SLCO1B3: variants seen among roughly 807,000 people sequenced by gnomAD.
SLCO1B3 encodes solute carrier organic anion transporter family member 1B3, also known as liver-specific organic anion transporter 2.
A neutral mutation model predicts 71.8 loss-of-function variants in SLCO1B3; 72 were observed. The observed-to-expected ratio is 1.00, with a 90% confidence interval of 0.83 to 1.22. SLCO1B3 has a LOEUF of 1.22. SLCO1B3 is among the 50% of genes most tolerant of loss of function. The pLI is 0.00. For synonymous variants in SLCO1B3, 298 were observed against 278.4 expected (o/e 1.07, Z -0.70); for missense variants, 911 against 819.7 (o/e 1.11, Z -1.36).
In SLCO1B3 at chr12:20,913,409, G is replaced by A. The variant is rs1299281026; in HGVS notation, c.1866-2595G>A. Among the ~76,000 whole-genome samples the A allele has an allele frequency of 2.6e-5, 4 of 152,204 alleles. No homozygotes were observed. In the East Asian group the frequency reaches 5.8e-4, roughly 22 times the overall value. ...AGACAATGTTAAGTGAAGACTTACT[G>A]CATTTCTCTTTGCAGCTCTATCATT... On this transcript the variant is annotated intron_variant, in intron 15 of 15. Coordinates refer to ENST00000381545, the MANE Select transcript of SLCO1B3 (RefSeq NM_019844.4).
chr12:20,839,174 T>C (rs892651955), intron 3 of SLCO1B3, among the ~76,000 whole-genome samples: 1 of 151,994 alleles, frequency 6.6e-6, no homozygotes. Flanking sequence ...ATAGATATTA[T>C]TATTTTGAAT....
At chr12:20,900,426 C>G (rs111614409) in intron 14 of SLCO1B3, among the ~76,000 whole-genome samples, 4 of 152,212 alleles carry the variant, frequency 2.6e-5, no homozygotes, top group African/African-American at 9.6e-5. Flanking sequence ...TGATAGCTCT[C>G]TACTATGATG....
intron 3 of SLCO1B3, among the ~76,000 whole-genome samples, chr12:20,817,848 C>T (rs12317610): frequency 0.058 from 8,748 of 152,004 alleles, 630 homozygotes; most frequent in African/African-American, 0.17. Context: ...CCTCGGCCTC[C>T]GAAAGTGCTG....
intron 3 of SLCO1B3, among the ~76,000 whole-genome samples, chr12:20,848,049 A>G (rs1220169117): frequency 6.6e-6 from 1 of 152,132 alleles, no homozygotes; most frequent in Non-Finnish European, 1.5e-5. Context: ...AGGATTAATA[A>G]CTAATTTCTT....
chr12:20,877,738 A>T (rs4149139), intron 9 of SLCO1B3, 34 bp from the exon 10 acceptor site: 22,346 of 945,686 alleles, frequency 0.024, 687 homozygotes, highest in East Asian at 0.13. Context: ...TATATATTTT[A>T]TTATTGAAAT....
intron 3 of SLCO1B3, among the ~76,000 whole-genome samples, chr12:20,828,472 T>C (rs1368721923): frequency 6.6e-6 from 1 of 151,890 alleles, no homozygotes; most frequent in African/African-American, 2.4e-5. Context: ...TTAGAAATGA[T>C]TTTAGGTCCC....
chr12:20,907,463 C>G (rs1866272632), intron 15 of SLCO1B3, among the ~76,000 whole-genome samples: 1 of 133,440 alleles, frequency 7.5e-6, no homozygotes, highest in South Asian at 2.7e-4. Context: ...CTTCCCCTCC[C>G]TTCCCCTTCC....
intron 13 of SLCO1B3, among the ~76,000 whole-genome samples, chr12:20,887,536 A>G (rs1865813829): frequency 1.3e-5 from 2 of 151,758 alleles, no homozygotes; most frequent in African/African-American, 2.4e-5. Flanking sequence ...ATGTCTGTTC[A>G]TGTCGTTTAC....
intron 3 of SLCO1B3, 90 bp from the exon 4 acceptor site, chr12:20,854,938 A>G (rs1865102743): frequency 8.2e-7 from 1 of 1,215,274 alleles, no homozygotes; most frequent in Non-Finnish European, 1.2e-6. Flanking sequence ...TTTCGAGTAA[A>G]GAAGAAAAAC....
chr12:20,864,656 T>C (rs1865337666), intron 8 of SLCO1B3, among the ~76,000 whole-genome samples: 3 of 152,292 alleles, frequency 2.0e-5, no homozygotes, highest in Non-Finnish European at 1.5e-5. Flanking sequence ...TGAAGGTCTT[T>C]AGGATAGTAG....
chr12:20,867,250 A>G (rs1263490284), intron 8 of SLCO1B3, among the ~76,000 whole-genome samples: 1 of 152,164 alleles, frequency 6.6e-6, no homozygotes, highest in Non-Finnish European at 1.5e-5. Flanking sequence ...CCCAATAGAG[A>G]GAACATTATA....
intron 8 of SLCO1B3, among the ~76,000 whole-genome samples, chr12:20,870,034 G>A (rs1319746903): frequency 1.3e-5 from 2 of 152,026 alleles, no homozygotes; most frequent in African/African-American, 4.8e-5. Context: ...ATCCTAATGG[G>A]TGTATGGTGA....
chr12:20,892,000 G>T (rs944793230), intron 13 of SLCO1B3, among the ~76,000 whole-genome samples: 1 of 151,560 alleles, frequency 6.6e-6, no homozygotes, highest in South Asian at 2.1e-4. Flanking sequence ...ATTACTTGAA[G>T]GTCTTATTTC....
intron 14 of SLCO1B3, among the ~76,000 whole-genome samples, chr12:20,899,262 C>T (rs73233632): frequency 0.028 from 4,326 of 152,202 alleles, 209 homozygotes; most frequent in African/African-American, 0.096. Flanking sequence ...TCTAGTCTAA[C>T]CTCTGTGAGT....
chr12:20,863,420 AG>A (rs1276148719), intron 8 of SLCO1B3, among the ~76,000 whole-genome samples: 1 of 152,152 alleles, frequency 6.6e-6, no homozygotes, highest in Admixed American at 6.5e-5. Flanking sequence ...TTACTCTCAG[AG>A]CATGCTTTAT....
intron 3 of SLCO1B3, among the ~76,000 whole-genome samples, chr12:20,854,810 A>G (rs1266420025): frequency 1.3e-5 from 2 of 152,120 alleles, no homozygotes; most frequent in African/African-American, 4.8e-5. Context: ...TCCTCTAGCA[A>G]TCGAATGTTG....
chr12:20,910,987 G>A (rs1866362541), intron 15 of SLCO1B3, among the ~76,000 whole-genome samples: 1 of 151,502 alleles, frequency 6.6e-6, no homozygotes, highest in Non-Finnish European at 1.5e-5. Context: ...GTACCATGTT[G>A]AAAATTAATG....
intron 8 of SLCO1B3, among the ~76,000 whole-genome samples, chr12:20,870,519 T>C (rs11045572): frequency 0.72 from 110,012 of 151,938 alleles, 42,437 homozygotes; most frequent in South Asian, 0.9. Context: ...AGTATATATA[T>C]GATAAGGATA....
At chr12:20,843,500 A>T (rs1012480586) in intron 3 of SLCO1B3, among the ~76,000 whole-genome samples, 2 of 152,144 alleles carry the variant, frequency 1.3e-5, no homozygotes, top group Non-Finnish European at 2.9e-5. Context: ...CAAAAGTATT[A>T]TTCATCCACG....
Sources: allele counts gnomAD v4.1 joint callset (sites outside exome capture counted in the v4.1 genomes callset), GRCh38; gene constraint gnomAD v4.1.1; transcripts MANE v1.5; gene names NCBI Gene and HGNC (gene_info 2026-07-23, HGNC 2026-07-21).